PTPRQ: variants seen among roughly 807,000 people sequenced by gnomAD.
The protein encoded by PTPRQ is phosphatidylinositol phosphatase PTPRQ.
Under a neutral mutation model 246.0 loss-of-function variants are expected in PTPRQ, and 199 were observed. That is an observed-to-expected ratio of 0.81 (90% CI 0.72 to 0.91). PTPRQ has a LOEUF of 0.91. PTPRQ is among the 40% of genes least tolerant of loss of function. The pLI is 0.00. For synonymous variants in PTPRQ, 869 were observed against 853.2 expected (o/e 1.02, Z -0.32); for missense variants, 2,624 against 2,528.4 (o/e 1.04, Z -0.81).
rs1176393485 is a variant in PTPRQ at position 80,471,474 on chromosome 12, AT to A, written c.1040-614del. ...ATAGAAGATAATGAAATTATTTAGC[AT>A]TTTTTTTTTTTTTTTTATTTGAGAC... On this transcript the variant is annotated intron_variant, in intron 7 of 44. Transcript: ENST00000644991. 8.4e-3 allele frequency among the ~76,000 whole-genome samples: 616 copies of A among 73,216 alleles called. 61 individuals are homozygous for A. In the Admixed American group the frequency reaches 0.1, roughly 12 times the overall value. 48.0% of individuals were successfully genotyped at this position (73,216 alleles called of 152,430 possible). A position where few individuals can be genotyped will look rare whatever the true frequency, so the allele number is the denominator to read the frequency against.
At chr12:80,659,953 G>C (rs1359127911) in intron 39 of PTPRQ, among the ~76,000 whole-genome samples, 1 of 151,990 alleles carries the variant, frequency 6.6e-6, no homozygotes, top group Non-Finnish European at 1.5e-5. Context: ...GAACAGATGG[G>C]AACAGATGTA....
chr12:80,558,158 CT>C (rs756074300), intron 25 of PTPRQ, among the ~76,000 whole-genome samples: 2 of 98,210 alleles, frequency 2.0e-5, no homozygotes, highest in Admixed American at 2.2e-4. Flanking sequence ...CTTTTCTTTT[CT>C]TTTCTTTTCT....
chr12:80,454,100 C>T (rs1259248033), intron 3 of PTPRQ, among the ~76,000 whole-genome samples: 16 of 112,876 alleles, frequency 1.4e-4, no homozygotes, highest in African/African-American at 6.2e-4. Flanking sequence ...AGCCTCGCTG[C>T]CACCTTGCAG....
chr12:80,450,382 C>A (rs1417996963), intron 3 of PTPRQ, among the ~76,000 whole-genome samples: 1 of 152,160 alleles, frequency 6.6e-6, no homozygotes, highest in Non-Finnish European at 1.5e-5. Context: ...CTTCTCCTGG[C>A]TAATTGCCCT....
At chr12:80,630,341 TTTAA>T (rs765047712) in intron 33 of PTPRQ, among the ~76,000 whole-genome samples, 5 of 152,192 alleles carry the variant, frequency 3.3e-5, no homozygotes, top group Non-Finnish European at 1.5e-5. Context: ...CTTGATGTCC[TTTAA>T]TTTTTTTTCT....
intron 33 of PTPRQ, among the ~76,000 whole-genome samples, chr12:80,623,157 G>A (rs1308736392): frequency 1.3e-5 from 2 of 152,078 alleles, no homozygotes; most frequent in African/African-American, 4.8e-5. Context: ...ACTTCAGTGA[G>A]AGTTATGACT....
chr12:80,542,220 G>T lies in PTPRQ; in HGVS notation c.3577G>T (p.Glu1193Ter). 1 of 1,551,030 alleles carries T rather than the reference G, an allele frequency of 6.4e-7. No individual in the cohort carries two copies. Among genetic ancestry groups the T allele is most frequent in the Non-Finnish European group, 8.7e-7 (1 of 1,146,582 alleles). ...TGATTTAACTTTACAAGGACCAAAT[G>T]AAAATTATTCTTTCATTACTTCTGA... ...SYDLTLQGPN[E>*]NYSFITSDNY... Residue 1193 changes from glutamate to a stop codon, truncating the protein, a stop_gained, in exon 22 of 45, where the codon GAA becomes TAA. Transcript: ENST00000644991. LOFTEE classifies it high-confidence loss of function.
chr12:80,478,817 G>T (rs528853783), intron 8 of PTPRQ, among the ~76,000 whole-genome samples: 2 of 152,178 alleles, frequency 1.3e-5, no homozygotes, highest in Non-Finnish European at 2.9e-5. Flanking sequence ...GAGAAGGGAA[G>T]TTTAGAGAAA....
intron 25 of PTPRQ, among the ~76,000 whole-genome samples, chr12:80,558,119 C>CTTTCTTTCTTTCT (rs1555197999): frequency 1.0e-5 from 1 of 95,680 alleles, no homozygotes; most frequent in African/African-American, 5.0e-5. Flanking sequence ...TCTTTTCTTT[C>CTTTCTTTCTTTCT]TTTCTTTTCT....
chr12:80,447,511 A>G (rs933210219), intron 3 of PTPRQ, among the ~76,000 whole-genome samples: 1 of 151,854 alleles, frequency 6.6e-6, no homozygotes, highest in African/African-American at 2.4e-5. Flanking sequence ...AGTTTTTCTT[A>G]CTAGTATTTT....
At chr12:80,597,767 C>T (rs1898017047) in intron 26 of PTPRQ, among the ~76,000 whole-genome samples, 1 of 151,972 alleles carries the variant, frequency 6.6e-6, no homozygotes, top group Admixed American at 6.6e-5. Context: ...CTAAGCCCCA[C>T]ACTCACGGTT....
At chr12:80,490,349 T>C (rs556324981) in intron 9 of PTPRQ, among the ~76,000 whole-genome samples, 1 of 151,954 alleles carries the variant, frequency 6.6e-6, no homozygotes, top group East Asian at 1.9e-4. Context: ...TGTGATAGGG[T>C]TTTTTAGAAA....
chr12:80,673,820 G>A (rs1427383718), intron 43 of PTPRQ, among the ~76,000 whole-genome samples: 1 of 151,710 alleles, frequency 6.6e-6, no homozygotes, highest in Non-Finnish European at 1.5e-5. Context: ...TGGCTTATAG[G>A]CAAAAAATAT....
At chr12:80,479,826 G>T (rs61950944) in intron 8 of PTPRQ, among the ~76,000 whole-genome samples, 3,746 of 150,828 alleles carry the variant, frequency 0.025, 42 homozygotes, top group Middle Eastern at 0.066. Context: ...AGAAGAGCTA[G>T]CCTAAATATA....
intron 5 of PTPRQ, 51 bp downstream of exon 5, chr12:80,459,534 A>AC (rs111637311): frequency 2.5e-6 from 1 of 397,684 alleles, no homozygotes; most frequent in African/African-American, 2.1e-5. Context: ...AGATAAATTT[A>AC]ATTTTCATAT....
At chr12:80,546,193 C>G (rs571587685) in intron 23 of PTPRQ, among the ~76,000 whole-genome samples, 1 of 152,070 alleles carries the variant, frequency 6.6e-6, no homozygotes, top group East Asian at 1.9e-4. Flanking sequence ...GTGGCACATG[C>G]CTGTAATCCC....
rs979700000 is a variant in PTPRQ, at chr12:80,542,115, A to G, written c.3472A>G (p.Thr1158Ala). Residue 1158 changes from threonine to alanine, a missense_variant, in exon 22 of 45, where the codon ACT becomes GCT. Transcript: ENST00000644991. ...CCCAGAAACTTCACCAATAATCAAC[A>G]CTTTTAAAAACCTTTCCTCTACCTC... ...DVPETSPIIN[T>A]FKNLSSTSVL... 11 of 1,548,790 alleles carry G rather than the reference A, an allele frequency of 7.1e-6. No individual in the cohort carries two copies. The African/African-American group carries it at 1.5e-4, about 21-fold the overall frequency.
intron 17 of PTPRQ, among the ~76,000 whole-genome samples, chr12:80,531,364 T>C (rs1261574163): frequency 6.6e-6 from 1 of 152,162 alleles, no homozygotes; most frequent in Non-Finnish European, 1.5e-5. Flanking sequence ...ATTTTTAAGC[T>C]AATAAGAATA....
At position 80,542,732 on chromosome 12, in the gene PTPRQ, C is replaced by A. The variant is rs1376104746; in HGVS notation, c.3724C>A (p.Pro1242Thr). The part of the protein sequence containing the change: ...ILFFYTDESV[P>T]LAPPQNLTLI... ...TTTCTTCATGTGTTTTCCTACAGTG[C>A]CGTTAGCACCTCCACAAAATTTGAC... The change falls in exon 23 of 45, where the codon CCG (proline) becomes ACG (threonine). Residue 1242 changes from proline to threonine, a missense_variant and splice_region_variant. Coordinates refer to ENST00000644991, the MANE Select transcript of PTPRQ (RefSeq NM_001145026.2). The A allele has an allele frequency of 6.5e-7, 1 of 1,538,888 alleles. No homozygotes were observed. Among genetic ancestry groups the A allele is most frequent in the East Asian group, 2.5e-5 (1 of 40,264 alleles).
Sources: allele counts gnomAD v4.1 joint callset (sites outside exome capture counted in the v4.1 genomes callset), GRCh38; gene constraint gnomAD v4.1.1; transcripts MANE v1.5; gene names NCBI Gene and HGNC (gene_info 2026-07-23, HGNC 2026-07-21).